NEMP2: variants seen among roughly 807,000 people sequenced by gnomAD.
NEMP2 encodes nuclear envelope integral membrane protein 2.
A neutral mutation model predicts 54.2 loss-of-function variants in NEMP2; 53 were observed. The ratio of observed to expected loss-of-function variants is 0.98; its 90% CI spans 0.78 to 1.23. The LOEUF is 1.23. Among genes scored for constraint, NEMP2 ranks in the 50% most tolerant of loss-of-function variants. The probability of loss-of-function intolerance (pLI) is 0.00; values close to 1 mark genes in which losing one functional copy is unlikely to be tolerated. For synonymous variants in NEMP2, 197 were observed against 190.3 expected (o/e 1.04, Z -0.29); for missense variants, 455 against 511.3 (o/e 0.89, Z 1.06).
chr2:190,492,551 T>C, the NEMP2 span, among the ~76,000 whole-genome samples: 5 of 152,320 alleles, frequency 3.3e-5, no homozygotes, highest in East Asian at 5.8e-4. The surrounding 1 kb of genome is among the most constrained non-coding windows in gnomAD (Gnocchi z 5.2). Context: ...TGAATTATCA[T>C]TGGGTCAACA....
Position 190,513,179 on chromosome 2 carries a change from G to A in NEMP2, c.953+1274C>T, listed in dbSNP as rs960256234. ...AGCCAATGAGTATTTATGGTCTCTGGTGTGATTTTTGTTTGTTCAATGTAT... is the reference window on the plus strand; with the variant it reads ...AGCCAATGAGTATTTATGGTCTCTGATGTGATTTTTGTTTGTTCAATGTAT... On this transcript the variant is annotated intron_variant, in intron 7 of 8. Transcript: ENST00000409150. The surrounding 1 kb of genome is among the most constrained non-coding windows in gnomAD (Gnocchi z 5.3). Among the ~76,000 whole-genome samples the A allele has an allele frequency of 6.6e-6, 1 of 152,130 alleles. No individual in the cohort carries two copies. Among genetic ancestry groups the A allele is most frequent in the African/African-American group, 2.4e-5 (1 of 41,436 alleles).
chr2:190,589,204 C>T, the NEMP2 span, among the ~76,000 whole-genome samples: 21 of 152,080 alleles, frequency 1.4e-4, no homozygotes, highest in Non-Finnish European at 2.4e-4. The surrounding 1 kb of genome is among the most constrained non-coding windows in gnomAD (Gnocchi z 4.3). Context: ...TCATTTCTAC[C>T]CAGAGATTCC....
At chr2:190,647,438 T>C in the NEMP2 span, among the ~76,000 whole-genome samples, 1 of 152,174 alleles carries the variant, frequency 6.6e-6, no homozygotes, top group Non-Finnish European at 1.5e-5. Context: ...AAGAATGCCT[T>C]GTATCCCCAT....
upstream of NEMP2, among the ~76,000 whole-genome samples, chr2:190,535,276 G>GT (rs1230104272): frequency 2.6e-5 from 4 of 152,180 alleles, no homozygotes; most frequent in Non-Finnish European, 5.9e-5. Flanking sequence ...GGCCGCTTAA[G>GT]TAACACTGAC....
chr2:190,500,451 A>G (rs1201759219), downstream of NEMP2: 1 of 543,324 alleles, frequency 1.8e-6, no homozygotes, highest in Non-Finnish European at 3.3e-6. This position sits in a 1 kb window ranked among gnomAD's most constrained non-coding sequence, Gnocchi z 5.3. Context: ...ATGGAGTTCA[A>G]TGAGGACTTT....
chr2:190,611,855 G>T, the NEMP2 span, among the ~76,000 whole-genome samples: 1 of 152,144 alleles, frequency 6.6e-6, no homozygotes, highest in Admixed American at 6.5e-5. The surrounding 1 kb of genome is among the most constrained non-coding windows in gnomAD (Gnocchi z 5.4). Flanking sequence ...TGGTAAGTTT[G>T]GGATTTTAAT....
chr2:190,444,814 A>C, the NEMP2 span: 1 of 637,954 alleles, frequency 1.6e-6, no homozygotes, highest in Non-Finnish European at 1.9e-6. Context: ...TTCATTCAGA[A>C]ACAAGTGTTT....
the NEMP2 span, among the ~76,000 whole-genome samples, chr2:190,555,310 A>G: frequency 6.6e-6 from 1 of 152,142 alleles, no homozygotes; most frequent in Admixed American, 6.5e-5. This position sits in a 1 kb window ranked among gnomAD's most constrained non-coding sequence, Gnocchi z 4.8. Flanking sequence ...AAAACTGGAC[A>G]GAGAATGAGT....
chr2:190,495,972 AAAAC>A, the NEMP2 span, among the ~76,000 whole-genome samples: 7 of 152,210 alleles, frequency 4.6e-5, no homozygotes, highest in Non-Finnish European at 1.0e-4. This position sits in a 1 kb window ranked among gnomAD's most constrained non-coding sequence, Gnocchi z 4.7. Context: ...AAATGCAACA[AAAAC>A]AAAGATAAAT....
the NEMP2 span, among the ~76,000 whole-genome samples, chr2:190,606,414 T>C: frequency 3.3e-5 from 5 of 152,116 alleles, no homozygotes; most frequent in Non-Finnish European, 7.4e-5. Context: ...AAGGTTGCTG[T>C]GAAAGTTCAA....
the NEMP2 span, among the ~76,000 whole-genome samples, chr2:190,615,654 G>T: frequency 6.6e-6 from 1 of 152,192 alleles, no homozygotes; most frequent in African/African-American, 2.4e-5. This position sits in a 1 kb window ranked among gnomAD's most constrained non-coding sequence, Gnocchi z 4.7. Flanking sequence ...GAGATGAGGG[G>T]ATGAGGTTGA....
At position 190,514,406 on chromosome 2, in the gene NEMP2, T is replaced by A; in HGVS notation, c.953+47A>T. The A allele has an allele frequency of 6.8e-7, 1 of 1,460,006 alleles. No homozygotes were observed. Among genetic ancestry groups the A allele is most frequent in the African/African-American group, 1.4e-5 (1 of 71,276 alleles). The allele number at this position is 1,460,006 out of a possible 1,614,324, so 90.4% of individuals were successfully genotyped here. A position where few individuals can be genotyped will look rare whatever the true frequency, so the allele number is the denominator to read the frequency against. ...CAAACACTCTCCCAAATAATAAAACTAGAGCTCAAAATGTCAAATTTGCTG... is the reference window on the plus strand; with the variant it reads ...CAAACACTCTCCCAAATAATAAAACAAGAGCTCAAAATGTCAAATTTGCTG... On this transcript the variant is annotated intron_variant, in intron 7 of 8. Coordinates refer to ENST00000409150, the MANE Select transcript of NEMP2 (RefSeq NM_001142645.2). This position sits in a 1 kb window ranked among gnomAD's most constrained non-coding sequence, Gnocchi z 5.7.
chr2:190,431,825 T>C, the NEMP2 span, among the ~76,000 whole-genome samples: 1 of 152,270 alleles, frequency 6.6e-6, no homozygotes, highest in African/African-American at 2.4e-5. This position sits in a 1 kb window ranked among gnomAD's most constrained non-coding sequence, Gnocchi z 4.4. Context: ...ATTTTTCATT[T>C]ATGCTATAAT....
intron 1 of NEMP2, among the ~76,000 whole-genome samples, chr2:190,532,179 T>C (rs1042930760): frequency 6.6e-6 from 1 of 152,216 alleles, no homozygotes; most frequent in South Asian, 2.1e-4. Flanking sequence ...GGATTTTTCT[T>C]ACTATTTGTT....
At chr2:190,534,016 C>T in intron 1 of NEMP2, 1 of 983,976 alleles carries the variant, frequency 1.0e-6, no homozygotes, top group Non-Finnish European at 1.2e-6. Flanking sequence ...CATTACCTGC[C>T]GCTCACGTGG....
the NEMP2 span, among the ~76,000 whole-genome samples, chr2:190,437,887 A>G: frequency 6.6e-6 from 1 of 152,172 alleles, no homozygotes; most frequent in Non-Finnish European, 1.5e-5. This position sits in a 1 kb window ranked among gnomAD's most constrained non-coding sequence, Gnocchi z 5.9. Flanking sequence ...CTTAGTGAAC[A>G]TATTATTCCA....
chr2:190,557,798 G>A, the NEMP2 span, among the ~76,000 whole-genome samples: 1 of 152,152 alleles, frequency 6.6e-6, no homozygotes, highest in Admixed American at 6.5e-5. Context: ...AGTTAGAATG[G>A]CAATCATTAA....
the NEMP2 span, chr2:190,433,223 A>C: frequency 9.9e-4 from 151 of 152,288 alleles, 1 homozygote; most frequent in African/African-American, 3.5e-3. This position sits in a 1 kb window ranked among gnomAD's most constrained non-coding sequence, Gnocchi z 4.5. Context: ...GTATCACATA[A>C]TTTTATACAT....
the NEMP2 span, among the ~76,000 whole-genome samples, chr2:190,457,411 C>A: frequency 6.6e-6 from 1 of 152,202 alleles, no homozygotes; most frequent in East Asian, 1.9e-4. This position sits in a 1 kb window ranked among gnomAD's most constrained non-coding sequence, Gnocchi z 5.1. Context: ...TCCTGTTGGC[C>A]CCCTACCCCC....
Sources: gnomAD v4.1 joint callset for allele counts (sites outside exome capture counted in the v4.1 genomes callset) on GRCh38, gnomAD v4.1.1 for gene constraint, Gnocchi (gnomAD v3.1) non-coding constraint, MANE v1.5 for transcripts, NCBI Gene and HGNC (gene_info 2026-07-23, HGNC 2026-07-21) for gene names.